TOP1: variants seen among roughly 807,000 people sequenced by gnomAD.
TOP1 encodes DNA topoisomerase I.
Under a neutral mutation model 111.1 loss-of-function variants are expected in TOP1, and 10 were observed. The ratio of observed to expected loss-of-function variants is 0.09; its 90% CI spans 0.06 to 0.15. TOP1 has a LOEUF of 0.15. TOP1 is among the 10% of genes least tolerant of loss of function. The pLI, the probability that TOP1 is intolerant of heterozygous loss-of-function variation, is 1.00. For missense variants in TOP1, 474 were observed against 926.7 expected (o/e 0.51, Z 6.34); for synonymous variants, 271 against 302.9 (o/e 0.89, Z 1.10).
At chr20:41,108,806 A>G (rs2034188975) in intron 13 of TOP1, among the ~76,000 whole-genome samples, 1 of 152,192 alleles carries the variant, frequency 6.6e-6, no homozygotes, top group African/African-American at 2.4e-5. Context: ...CTTATCCTGC[A>G]TAATCTAGGA....
chr20:41,124,460 A>G lies in TOP1; in HGVS notation c.*1163A>G, dbSNP rs2034463609. On this transcript the variant is annotated 3_prime_UTR_variant, in exon 21 of 21. Transcript: ENST00000361337. The surrounding 1 kb of genome is among the most constrained non-coding windows in gnomAD (Gnocchi z 5.4). ...CCTTTTAATCAACTGTAGGTTATTT[A>G]AAATAAATTCCTACAACTTAATGGA... The G allele has an allele frequency of 8.6e-6, 2 of 231,490 alleles. No homozygotes were observed. The highest frequency in any genetic ancestry group is 5.6e-5 in the Admixed American group (1 of 17,718). 14.3% of individuals were successfully genotyped at this position (231,490 alleles called of 1,614,324 possible).
chr20:41,083,607 T>C lies in TOP1; in HGVS notation c.508-855T>C, dbSNP rs1022431412. On this transcript the variant is annotated intron_variant, in intron 7 of 20. Coordinates refer to ENST00000361337, the MANE Select transcript of TOP1 (RefSeq NM_003286.4). The surrounding 1 kb of genome is among the most constrained non-coding windows in gnomAD (Gnocchi z 7.2). ...TACACTTTCCAGCTGTGCCACTCTT[T>C]AATTGATTTTAAGATGGTTCAAAAC... 6.6e-6 allele frequency among the ~76,000 whole-genome samples: 1 copy of C among 152,196 alleles called. No homozygotes were observed. Among genetic ancestry groups the C allele is most frequent in the South Asian group, 2.1e-4 (1 of 4,826 alleles).
In TOP1 at chr20:41,029,314, C is replaced by G; in HGVS notation, c.34-117C>G. The G allele has an allele frequency of 1.0e-6, 1 of 977,184 alleles. No homozygotes were observed. Among genetic ancestry groups the G allele is most frequent in the Non-Finnish European group, 1.4e-6 (1 of 694,378 alleles). The allele number at this position is 977,184 out of a possible 1,614,324, so 60.5% of individuals were successfully genotyped here. A position where few individuals can be genotyped will look rare whatever the true frequency, so the allele number is the denominator to read the frequency against. On this transcript the variant is annotated intron_variant, in intron 1 of 20. Transcript: ENST00000361337. The surrounding 1 kb of genome is among the most constrained non-coding windows in gnomAD (Gnocchi z 6.1). ...AGGGATGGCTGCCCTCTGTGGCCAC[C>G]CCCGGGTCCCCGTCCTCCCCGGGGG...
In TOP1 at chr20:41,081,194, C is replaced by G. The variant is rs1175394713; in HGVS notation, c.461C>G (p.Thr154Arg). The G allele has an allele frequency of 6.3e-7, 1 of 1,598,998 alleles. No homozygotes were observed. The highest frequency in any genetic ancestry group is 1.7e-5 in the Admixed American group (1 of 59,270). ...GATTATAAACCTAAGAAAATTAAAACAGAAGATACCAAGAAGGAGAAGAAA... is the reference window on the plus strand; with the variant it reads ...GATTATAAACCTAAGAAAATTAAAAGAGAAGATACCAAGAAGGAGAAGAAA... ...DADYKPKKIKTEDTKKEKKRK... is the reference protein window; with the variant it reads ...DADYKPKKIKREDTKKEKKRK... The change falls in exon 7 of 21, where the codon ACA becomes AGA. Residue 154 changes from threonine to arginine, a missense_variant. Thr to Arg is a moderately conservative substitution (Grantham distance 71, BLOSUM62 -1). Coordinates refer to ENST00000361337, the MANE Select transcript of TOP1 (RefSeq NM_003286.4).
rs536812545 is a variant in TOP1, at chr20:41,098,167, G to C, written c.853-48G>C. The stretch of plus-strand genomic sequence containing the variant: ...TGCAAAGAAACCCAAGGACTTATTA[G>C]TGTATTTTCGTTGTTTTTCTTTCAT... On this transcript the variant is annotated intron_variant, in intron 10 of 20. Transcript: ENST00000361337. This position sits in a 1 kb window ranked among gnomAD's most constrained non-coding sequence, Gnocchi z 5.7. 3.8e-6 allele frequency: 6 copies of C among 1,597,890 alleles called. No homozygotes were observed. The highest frequency in any genetic ancestry group is 5.1e-6 in the Non-Finnish European group (6 of 1,165,746).
chr20:41,054,620 C>A (rs1600562168), intron 2 of TOP1, among the ~76,000 whole-genome samples: 2 of 152,180 alleles, frequency 1.3e-5, no homozygotes, highest in East Asian at 3.8e-4. Context: ...GGTGCTGGCA[C>A]CCGTATTAGT....
intron 2 of TOP1, among the ~76,000 whole-genome samples, chr20:41,037,023 G>A (rs1027364483): frequency 4.0e-5 from 6 of 151,890 alleles, no homozygotes; most frequent in Non-Finnish European, 5.9e-5. Flanking sequence ...GTAGATACAG[G>A]GTTTCACCGT....
chr20:41,070,060 CACTA>C (rs759735472), intron 3 of TOP1, among the ~76,000 whole-genome samples: 1 of 152,108 alleles, frequency 6.6e-6, no homozygotes, highest in Non-Finnish European at 1.5e-5. Context: ...TTGTTACTTA[CACTA>C]ACTAAAAATC....
In TOP1 at chr20:41,067,610, G is replaced by C. The variant is rs1263022322; in HGVS notation, c.155+6120G>C. 3.3e-5 allele frequency among the ~76,000 whole-genome samples: 5 copies of C among 152,278 alleles called. No homozygotes were observed. The highest frequency in any genetic ancestry group is 2.0e-4 in the Admixed American group (3 of 15,302). ...AATGCTTTCATTTATTCCAATCCTT[G>C]CTAATCAATTGTAGCTAATTTTGTG... On this transcript the variant is annotated intron_variant, in intron 3 of 20. Transcript: ENST00000361337. The surrounding 1 kb of genome is among the most constrained non-coding windows in gnomAD (Gnocchi z 4.0).
At chr20:41,113,062 G>T in intron 14 of TOP1, 137 bp downstream of exon 14, 2 of 926,894 alleles carry the variant, frequency 2.2e-6, no homozygotes, top group Non-Finnish European at 3.1e-6. Flanking sequence ...TGAATCAAAA[G>T]TTGCACAAAA....
At chr20:41,093,320 G>T (rs2033942660) in intron 9 of TOP1, among the ~76,000 whole-genome samples, 1 of 152,154 alleles carries the variant, frequency 6.6e-6, no homozygotes, top group African/African-American at 2.4e-5. Context: ...AATGGTTAGA[G>T]CATTGTTCCT....
In TOP1 at chr20:41,102,299, T is replaced by G. The variant is rs138346041; in HGVS notation, c.1308+946T>G. 3.1e-3 allele frequency among the ~76,000 whole-genome samples: 466 copies of G among 152,334 alleles called. No individual in the cohort carries two copies. Among genetic ancestry groups the G allele is most frequent in the African/African-American group, 0.01 (432 of 41,588 alleles). ...CTAATGAAAAATACCTGTTTATATA[T>G]TTTCTCCAATTATAAAATATACTTT... On this transcript the variant is annotated intron_variant, in intron 13 of 20. Coordinates refer to ENST00000361337, the MANE Select transcript of TOP1 (RefSeq NM_003286.4). The surrounding 1 kb of genome is among the most constrained non-coding windows in gnomAD (Gnocchi z 4.0).
chr20:41,107,484 T>C (rs969380357), intron 13 of TOP1, among the ~76,000 whole-genome samples: 1 of 152,246 alleles, frequency 6.6e-6, no homozygotes, highest in African/African-American at 2.4e-5. Context: ...ATTCTAATTA[T>C]ATTTAATCTA....
chr20:41,122,960 A>G lies in TOP1; in HGVS notation c.2196-235A>G, dbSNP rs984966284. The stretch of plus-strand genomic sequence containing the variant: ...GTAAATTACCTAACGTCTCTGCCTC[A>G]GTTTCATCTGTACGTTTTTCACTTG... On this transcript the variant is annotated intron_variant, in intron 20 of 20. Transcript: ENST00000361337. This position sits in a 1 kb window ranked among gnomAD's most constrained non-coding sequence, Gnocchi z 5.4. 7.2e-5 allele frequency among the ~76,000 whole-genome samples: 11 copies of G among 152,232 alleles called. No individual in the cohort carries two copies. Among genetic ancestry groups the G allele is most frequent in the African/African-American group, 2.2e-4 (9 of 41,456 alleles).
chr20:41,084,497 A>G lies in TOP1; in HGVS notation c.543A>G (p.Lys181=). The change falls in exon 8 of 21, where the codon AAA becomes AAG. Residue 181 remains lysine (K), a synonymous_variant. Transcript: ENST00000361337. ...GKLKKPKNKD[K]DKKVPEPDNK... ...TGAAAAAACCCAAGAATAAAGATAA[A>G]GATAAAAAAGTTCCTGAGCCAGATA... The G allele has an allele frequency of 6.3e-7, 1 of 1,574,982 alleles. No individual in the cohort carries two copies. Among genetic ancestry groups the G allele is most frequent in the Non-Finnish European group, 8.6e-7 (1 of 1,159,798 alleles).
At position 41,095,897 on chromosome 20, in the gene TOP1, T is replaced by G. The variant is rs1439823359; in HGVS notation, c.731-1323T>G. ...TTGGATTTTTAAGAAAGAATGGAAA[T>G]TGGCACTAAGAGTACTGTCAAAAGC... On this transcript the variant is annotated intron_variant, in intron 9 of 20. Coordinates refer to ENST00000361337, the MANE Select transcript of TOP1 (RefSeq NM_003286.4). The surrounding 1 kb of genome is among the most constrained non-coding windows in gnomAD (Gnocchi z 4.6). Among the ~76,000 whole-genome samples the G allele has an allele frequency of 1.3e-5, 2 of 152,192 alleles. No individual in the cohort carries two copies. The highest frequency in any genetic ancestry group is 2.9e-5 in the Non-Finnish European group (2 of 68,022).
chr20:41,077,947 CAT>C (rs1491421417), intron 5 of TOP1, among the ~76,000 whole-genome samples: 16 of 120,752 alleles, frequency 1.3e-4, no homozygotes, highest in East Asian at 1.2e-3. Context: ...TACAGTGTAC[CAT>C]TTTTTTTTTT....
rs1181394588 is a variant in TOP1 at position 41,116,683 on chromosome 20, C to T, written c.1822+291C>T. 6.6e-6 allele frequency among the ~76,000 whole-genome samples: 1 copy of T among 152,124 alleles called. No homozygotes were observed. Among genetic ancestry groups the T allele is most frequent in the Non-Finnish European group, 1.5e-5 (1 of 68,036 alleles). On this transcript the variant is annotated intron_variant, in intron 17 of 20. Transcript: ENST00000361337. This position sits in a 1 kb window ranked among gnomAD's most constrained non-coding sequence, Gnocchi z 5.6. ...TTTTATACATATATTACTTAAAAGC[C>T]CACAGAGTGAAGACAGTGCTGTGAT...
chr20:41,030,259 C>T lies in TOP1; in HGVS notation c.58+804C>T, dbSNP rs2033101678. On this transcript the variant is annotated intron_variant, in intron 2 of 20. Transcript: ENST00000361337. The surrounding 1 kb of genome is among the most constrained non-coding windows in gnomAD (Gnocchi z 4.1). Reference sequence around the variant, plus strand: ...GAACTTTTCATTGTGGTCGAGGTTCCCAATGCAGTGTTTTTCTGGAAACGC... The same window carrying T: ...GAACTTTTCATTGTGGTCGAGGTTCTCAATGCAGTGTTTTTCTGGAAACGC... Among the ~76,000 whole-genome samples, 2 of 152,034 alleles carry T rather than the reference C, an allele frequency of 1.3e-5. No individual in the cohort carries two copies. Among genetic ancestry groups the T allele is most frequent in the South Asian group, 4.1e-4 (2 of 4,820 alleles).
Sources: gnomAD v4.1 joint callset for allele counts (sites outside exome capture counted in the v4.1 genomes callset) on GRCh38, gnomAD v4.1.1 for gene constraint, Gnocchi (gnomAD v3.1) non-coding constraint, MANE v1.5 for transcripts, NCBI Gene and HGNC (gene_info 2026-07-23, HGNC 2026-07-21) for gene names.